CEP128: variants seen among roughly 807,000 people sequenced by gnomAD.
The protein encoded by CEP128 is centrosomal protein 128kDa.
Under a neutral mutation model 156.7 loss-of-function variants are expected in CEP128, and 132 were observed. The observed-to-expected ratio is 0.84, with a 90% confidence interval of 0.73 to 0.97. The LOEUF is 0.97. Among genes scored for constraint, CEP128 ranks in the 50% least tolerant of loss-of-function variants. The probability of loss-of-function intolerance (pLI) is 0.00; values close to 1 mark genes in which losing one functional copy is unlikely to be tolerated. For missense variants in CEP128, 1,252 were observed against 1,281.9 expected, an observed-to-expected ratio of 0.98 and a Z score of 0.36; for synonymous variants, 469 against 448.9, an observed-to-expected ratio of 1.04 and a Z score of -0.57.
At chr14:80,647,599 T>G (rs1894719415) in intron 19 of CEP128, among the ~76,000 whole-genome samples, 6 of 152,060 alleles carry the variant, frequency 3.9e-5, no homozygotes, top group Admixed American at 3.9e-4. Context: ...GACCTACTGT[T>G]GCAATGGTCT....
chr14:80,817,568 A>G (rs1457836995), intron 13 of CEP128, among the ~76,000 whole-genome samples: 1 of 152,178 alleles, frequency 6.6e-6, no homozygotes, highest in Non-Finnish European at 1.5e-5. Flanking sequence ...TGGAATTGAA[A>G]TGTATAATAA....
chr14:80,542,732 C>G (rs1182827306), intron 21 of CEP128, among the ~76,000 whole-genome samples: 1 of 152,114 alleles, frequency 6.6e-6, no homozygotes, highest in African/African-American at 2.4e-5. Flanking sequence ...TCCTGCAAAG[C>G]CCTGGCCCCA....
intron 9 of CEP128, among the ~76,000 whole-genome samples, chr14:80,856,021 A>T (rs1306539946): frequency 6.6e-6 from 1 of 152,166 alleles, no homozygotes; most frequent in Non-Finnish European, 1.5e-5. Context: ...CTACTTCTTC[A>T]TTAGGTTTTT....
intron 23 of CEP128, among the ~76,000 whole-genome samples, chr14:80,509,739 T>A (rs974901698): frequency 3.3e-5 from 5 of 152,186 alleles, no homozygotes; most frequent in Non-Finnish European, 7.4e-5. Context: ...TCTTTTTTCT[T>A]ATAGTAGTTT....
chr14:80,901,921 C>T (rs1406815266), intron 6 of CEP128, among the ~76,000 whole-genome samples: 5 of 152,290 alleles, frequency 3.3e-5, no homozygotes, highest in African/African-American at 9.6e-5. Flanking sequence ...CCCTGTTACA[C>T]GGCTCTACAT....
intron 19 of CEP128, among the ~76,000 whole-genome samples, chr14:80,647,034 CATGTATATATAT>C (rs1894671643): frequency 5.8e-5 from 1 of 17,382 alleles, no homozygotes; most frequent in African/African-American, 1.5e-4. Context: ...TATATGTGTG[CATGTATATATAT>C]ATATATATAT....
At chr14:80,729,479 C>T (rs1693187596) in intron 19 of CEP128, among the ~76,000 whole-genome samples, 1 of 152,102 alleles carries the variant, frequency 6.6e-6, no homozygotes, top group South Asian at 2.1e-4. Context: ...CTGCTATAAA[C>T]ATGCATGTGC....
Position 80,916,634 on chromosome 14 carries a change from T to C in CEP128, c.-15-72A>G, listed in dbSNP as rs1310129453. 3 of 1,201,778 alleles carry C rather than the reference T, an allele frequency of 2.5e-6. No homozygotes were observed. The East Asian group carries it at 7.2e-5, about 29-fold the overall frequency. 74.4% of individuals were successfully genotyped at this position (1,201,778 alleles called of 1,614,324 possible). ...GGAAATAAAAGACTAATACAACAGT[T>C]TACTTTTGATCTCTTTTCTATGTTT... On this transcript the variant is annotated intron_variant, in intron 2 of 24. Coordinates refer to ENST00000555265, the MANE Select transcript of CEP128 (RefSeq NM_152446.5).
At chr14:80,696,723 T>C (rs1434850824) in intron 19 of CEP128, among the ~76,000 whole-genome samples, 2 of 152,170 alleles carry the variant, frequency 1.3e-5, no homozygotes, top group East Asian at 1.9e-4. Flanking sequence ...AGCAGTAAAA[T>C]GACACGTCAG....
At chr14:80,531,043 A>G (rs1889202132) in intron 21 of CEP128, 157 bp from the exon 22 acceptor site, 1 of 377,588 alleles carries the variant, frequency 2.6e-6, no homozygotes, top group African/African-American at 2.1e-5. Context: ...TTTTCAAGAT[A>G]AATGTATCTT....
At chr14:80,725,183 ATT>A (rs201490130) in intron 19 of CEP128, among the ~76,000 whole-genome samples, 7,500 of 137,002 alleles carry the variant, frequency 0.055, 316 homozygotes, top group South Asian at 0.24. Context: ...TGTTTTCCCA[ATT>A]TTTTTTTTTT....
At chr14:80,599,061 A>G (rs1892464949) in intron 19 of CEP128, among the ~76,000 whole-genome samples, 1 of 152,140 alleles carries the variant, frequency 6.6e-6, no homozygotes, top group Non-Finnish European at 1.5e-5. Context: ...GTATTATACG[A>G]TCTCTCTTAT....
intron 17 of CEP128, among the ~76,000 whole-genome samples, chr14:80,759,015 T>G (rs1899821537): frequency 6.6e-6 from 1 of 152,094 alleles, no homozygotes. Flanking sequence ...GACCAAGTGT[T>G]ATGGAAAGAG....
intron 23 of CEP128, among the ~76,000 whole-genome samples, chr14:80,520,177 G>T (rs1034124776): frequency 6.6e-6 from 1 of 152,202 alleles, no homozygotes; most frequent in Admixed American, 6.5e-5. Flanking sequence ...CCAGCACTTT[G>T]AGAGGTGGAA....
intron 14 of CEP128, among the ~76,000 whole-genome samples, chr14:80,790,002 A>C (rs1475281079): frequency 6.6e-6 from 1 of 152,152 alleles, no homozygotes; most frequent in East Asian, 1.9e-4. Flanking sequence ...CATTCAAAAA[A>C]TCATATACTT....
chr14:80,783,018 C>T (rs926270149), intron 15 of CEP128, among the ~76,000 whole-genome samples: 2 of 152,040 alleles, frequency 1.3e-5, no homozygotes, highest in East Asian at 3.9e-4. Flanking sequence ...GAACTACCAC[C>T]CAAGAGTTAA....
intron 19 of CEP128, among the ~76,000 whole-genome samples, chr14:80,670,628 AAT>A (rs1895801568): frequency 6.6e-6 from 1 of 152,128 alleles, no homozygotes; most frequent in Admixed American, 6.5e-5. Flanking sequence ...GGAGATTAGA[AAT>A]AGTGTGAGGG....
chr14:80,800,802 A>G, intron 13 of CEP128, among the ~76,000 whole-genome samples: 1 of 152,220 alleles, frequency 6.6e-6, no homozygotes, highest in Non-Finnish European at 1.5e-5. Context: ...CAGTATAAGT[A>G]CTGATTGGGG....
intron 16 of CEP128, among the ~76,000 whole-genome samples, chr14:80,771,167 C>T (rs1159175565): frequency 6.6e-6 from 1 of 152,118 alleles, no homozygotes; most frequent in Non-Finnish European, 1.5e-5. Flanking sequence ...AAATCATTGA[C>T]GACTCACATT....
Sources: allele counts gnomAD v4.1 joint callset (sites outside exome capture counted in the v4.1 genomes callset), GRCh38; gene constraint gnomAD v4.1.1; transcripts MANE v1.5; gene names NCBI Gene and HGNC (gene_info 2026-07-23, HGNC 2026-07-21).